The following VWA8 variants were observed in gnomAD, a reference collection of about 807,000 sequenced individuals.
VWA8 encodes von Willebrand factor A domain containing 8.
A neutral mutation model predicts 241.5 loss-of-function variants in VWA8; 221 were observed. The ratio of observed to expected loss-of-function variants is 0.91; its 90% CI spans 0.82 to 1.02. VWA8 has a LOEUF of 1.02. Ranked by LOEUF, VWA8 falls within the 50% of genes least tolerant of loss-of-function variation. VWA8 has a pLI of 0.00. For missense variants in VWA8, 2,322 were observed against 2,328.7 expected (o/e 1.00, Z 0.06); for synonymous variants, 852 against 827.1 (o/e 1.03, Z -0.52).
chr13:41,918,659 G>GA, intron 2 of VWA8, among the ~76,000 whole-genome samples: 1 of 151,960 alleles, frequency 6.6e-6, no homozygotes, highest in Admixed American at 6.5e-5. Flanking sequence ...TCATGCTTTA[G>GA]AAAATATTTT....
intron 9 of VWA8, among the ~76,000 whole-genome samples, chr13:41,873,953 A>G (rs1443168245): frequency 5.3e-5 from 8 of 152,298 alleles, no homozygotes; most frequent in Middle Eastern, 3.4e-3. Flanking sequence ...CTGGCAAACC[A>G]AATCCAGCAG....
At chr13:41,835,293 T>C (rs888107140) in intron 12 of VWA8, among the ~76,000 whole-genome samples, 1 of 152,210 alleles carries the variant, frequency 6.6e-6, no homozygotes, top group Non-Finnish European at 1.5e-5. Flanking sequence ...GAAGTATGAA[T>C]AGGCTCATTT....
At chr13:41,780,339 C>G (rs1314412110) in intron 19 of VWA8, among the ~76,000 whole-genome samples, 1 of 152,176 alleles carries the variant, frequency 6.6e-6, no homozygotes, top group African/African-American at 2.4e-5. Flanking sequence ...GTGATCAAAC[C>G]ACTTTGTTAT....
chr13:41,830,156 T>C (rs1187567061), intron 14 of VWA8, among the ~76,000 whole-genome samples: 1 of 148,224 alleles, frequency 6.7e-6, no homozygotes, highest in Non-Finnish European at 1.5e-5. Context: ...GGCAGGAGAA[T>C]GGCATGGACC....
intron 2 of VWA8, among the ~76,000 whole-genome samples, chr13:41,936,827 A>G (rs1877373613): frequency 6.6e-6 from 1 of 152,150 alleles, no homozygotes; most frequent in African/African-American, 2.4e-5. Context: ...CTTCCATAAT[A>G]TATACATATA....
intron 41 of VWA8, among the ~76,000 whole-genome samples, chr13:41,588,637 C>T (rs2044435148): frequency 6.6e-6 from 1 of 151,116 alleles, no homozygotes; most frequent in Admixed American, 6.6e-5. Flanking sequence ...GAAAGGGTCA[C>T]TTGAGCCCAA....
intron 27 of VWA8, among the ~76,000 whole-genome samples, chr13:41,702,405 T>C (rs1254307970): frequency 6.6e-6 from 1 of 152,172 alleles, no homozygotes; most frequent in Non-Finnish European, 1.5e-5. Context: ...TGAATGAGAT[T>C]TGGAAGGCAG....
At position 41,750,432 on chromosome 13, in the gene VWA8, AAACAAC is replaced by A. The variant is rs148479463; in HGVS notation, c.2426+10690_2426+10695del. ...TGGTGACAGAGCGAGACTCCATCTA[AAACAAC>A]AACAACAACAACAACAACAACAAAA... On this transcript the variant is annotated intron_variant, in intron 21 of 44. Transcript: ENST00000379310. Among the ~76,000 whole-genome samples, 315 of 144,470 alleles carry A rather than the reference AAACAAC, an allele frequency of 2.2e-3. 2 individuals are homozygous for A. Among genetic ancestry groups the A allele is most frequent in the African/African-American group, 6.7e-3 (263 of 39,142 alleles). The allele number at this position is 144,470 out of a possible 152,430, so 94.8% of individuals were successfully genotyped here.
chr13:41,865,283 A>C (rs891647632), intron 12 of VWA8: 2 of 384,968 alleles, frequency 5.2e-6, no homozygotes, highest in African/African-American at 2.2e-5. Flanking sequence ...TTAAGGTGTC[A>C]ATTACCTTAT....
At chr13:41,932,696 AAAAAAG>A (rs1485538737) in intron 2 of VWA8, among the ~76,000 whole-genome samples, 1 of 151,880 alleles carries the variant, frequency 6.6e-6, no homozygotes, top group Non-Finnish European at 1.5e-5. Flanking sequence ...ATTAATAAAC[AAAAAAG>A]AAAAAGAAAA....
chr13:41,731,323 A>G (rs2045481609), intron 22 of VWA8, among the ~76,000 whole-genome samples: 2 of 152,114 alleles, frequency 1.3e-5, no homozygotes, highest in Admixed American at 1.3e-4. Flanking sequence ...GAAGTTGAGG[A>G]CTGGATCTTC....
At chr13:41,736,917 C>T (rs897913569) in intron 21 of VWA8, among the ~76,000 whole-genome samples, 8 of 148,122 alleles carry the variant, frequency 5.4e-5, no homozygotes, top group Admixed American at 1.4e-4. Context: ...GATCTTGGCT[C>T]GCTGCAACCT....
intron 29 of VWA8, chr13:41,696,123 T>C (rs1041606942): frequency 3.3e-5 from 5 of 152,206 alleles, no homozygotes; most frequent in Admixed American, 2.0e-4. Context: ...ATCAATACTT[T>C]GTTGAAAATC....
At position 41,684,425 on chromosome 13, in the gene VWA8, A is replaced by C. The variant is rs531240205; in HGVS notation, c.4327+622T>G. Among the ~76,000 whole-genome samples, 5 of 152,290 alleles carry C rather than the reference A, an allele frequency of 3.3e-5. No homozygotes were observed. The South Asian group carries it at 6.2e-4, about 19-fold the overall frequency. ...TGATGAATGCCAGTGTGGTTCAATAAGAATAGATCTAAACTTGGGATTAGA... is the reference window on the plus strand; with the variant it reads ...TGATGAATGCCAGTGTGGTTCAATACGAATAGATCTAAACTTGGGATTAGA... On this transcript the variant is annotated intron_variant, in intron 35 of 44. Coordinates refer to ENST00000379310, the MANE Select transcript of VWA8 (RefSeq NM_015058.2).
At chr13:41,859,137 G>A (rs1872893571) in intron 12 of VWA8, among the ~76,000 whole-genome samples, 2 of 147,324 alleles carry the variant, frequency 1.4e-5, no homozygotes, top group South Asian at 4.2e-4. Context: ...AAGGTCCAAC[G>A]TTGCATAAAG....
intron 1 of VWA8, among the ~76,000 whole-genome samples, chr13:41,954,167 C>T (rs1878258974): frequency 6.6e-6 from 1 of 152,076 alleles, no homozygotes; most frequent in Admixed American, 6.5e-5. Flanking sequence ...AATGTCCCAA[C>T]TCTGACCTCT....
rs1461671831 is a variant in VWA8, at chr13:41,835,719, C to T, written c.1426-2188G>A. On this transcript the variant is annotated intron_variant, in intron 12 of 44. Transcript: ENST00000379310. ...AAATCAAATATTACATATGCATATA[C>T]ATGTGCATATAAATATATATGTGTC... Among the ~76,000 whole-genome samples, 3 of 151,952 alleles carry T rather than the reference C, an allele frequency of 2.0e-5. No individual in the cohort carries two copies. The East Asian group carries it at 5.8e-4, about 29-fold the overall frequency.
rs529540463 is a variant in VWA8 at position 41,570,711 on chromosome 13, A to C, written c.5371-5T>G. ...CTGAGAGTGGGCATGCATTGTCTGG[A>C]GGTAAAAGAAGTTGCACAAAAGCCA... On this transcript the variant is annotated splice_polypyrimidine_tract_variant and splice_region_variant and intron_variant, in intron 43 of 44. Coordinates refer to ENST00000379310, the MANE Select transcript of VWA8 (RefSeq NM_015058.2). The C allele has an allele frequency of 5.5e-5, 88 of 1,606,180 alleles. No homozygotes were observed. The highest frequency in any genetic ancestry group is 2.2e-4 in the Admixed American group (13 of 59,562).
At chr13:41,769,228 CTG>C (rs891296276) in intron 20 of VWA8, among the ~76,000 whole-genome samples, 3 of 152,140 alleles carry the variant, frequency 2.0e-5, no homozygotes, top group African/African-American at 7.2e-5. Context: ...TTGGAGATAA[CTG>C]GGGAAAGCTG....
Sources: gnomAD v4.1 joint callset for allele counts (sites outside exome capture counted in the v4.1 genomes callset) on GRCh38, gnomAD v4.1.1 for gene constraint, MANE v1.5 for transcripts, NCBI Gene and HGNC (gene_info 2026-07-23, HGNC 2026-07-21) for gene names.